Variants in CYSLTR2 observed in about 807,000 individuals in gnomAD.
CYSLTR2 encodes the protein G-protein coupled receptor GPCR21.
For missense variants in CYSLTR2, 398 were observed against 411.9 expected (o/e 0.97, Z 0.29); for synonymous variants, 179 against 160.8 (o/e 1.11, Z -0.86).
At chr13:48,696,876 TCGGAGGGTCCCACG>T (rs1339854812) in intron 4 of CYSLTR2, among the ~76,000 whole-genome samples, 4 of 151,784 alleles carry the variant, frequency 2.6e-5, no homozygotes, top group Non-Finnish European at 5.9e-5. Flanking sequence ...CACGCCCGGC[TCGGAGGGTCCCACG>T]CCCACGGAGC....
chr13:48,672,821 T>C (rs1403626895), intron 1 of CYSLTR2, among the ~76,000 whole-genome samples: 1 of 151,994 alleles, frequency 6.6e-6, no homozygotes, highest in Non-Finnish European at 1.5e-5. Context: ...TTTCACTGTG[T>C]TAGCCAGGAT....
chr13:48,705,738 A>G (rs1349324496), intron 4 of CYSLTR2, among the ~76,000 whole-genome samples: 1 of 150,730 alleles, frequency 6.6e-6, no homozygotes. Context: ...TCCCTCATTT[A>G]TAATATAACT....
In CYSLTR2 at chr13:48,707,615, G is replaced by C. The variant is rs778434472; in HGVS notation, c.798G>C (p.Leu266=). The C allele has an allele frequency of 6.2e-7, 1 of 1,612,620 alleles. No individual in the cohort carries two copies. Among genetic ancestry groups the C allele is most frequent in the South Asian group, 1.1e-5 (1 of 91,076 alleles). ...FFLCFLPYHT[L]RTVHLTTWKV... is the part of the protein sequence containing the mutation. Reference sequence around the variant, plus strand: ...TGTGTTTCCTGCCCTATCACACACTGAGGACCGTCCACTTGACGACATGGA... The same window carrying C: ...TGTGTTTCCTGCCCTATCACACACTCAGGACCGTCCACTTGACGACATGGA... Residue 266 remains leucine, a synonymous_variant, in exon 5 of 5, where the codon CTG becomes CTC. Transcript: ENST00000682523.
In CYSLTR2 at chr13:48,709,973, T is replaced by C. The variant is rs1457548184; in HGVS notation, c.*2115T>C. 1.3e-5 allele frequency: 2 copies of C among 152,162 alleles called. No individual in the cohort carries two copies. Among genetic ancestry groups the C allele is most frequent in the Admixed American group, 6.5e-5 (1 of 15,280 alleles). 9.4% of individuals were successfully genotyped at this position (152,162 alleles called of 1,614,324 possible). ...GGGATTTAGATTTCTCTTGCAGAGA[T>C]TGAGATAAACTAGTCGTAAATACAT... On this transcript the variant is annotated 3_prime_UTR_variant, in exon 5 of 5. Transcript: ENST00000682523.
At chr13:48,680,468 G>A (rs904907472) in intron 1 of CYSLTR2, among the ~76,000 whole-genome samples, 1 of 152,160 alleles carries the variant, frequency 6.6e-6, no homozygotes, top group Non-Finnish European at 1.5e-5. Flanking sequence ...AGCATGTTTC[G>A]TTTTCTTCCT....
chr13:48,688,424 T>A (rs899894016), intron 1 of CYSLTR2, among the ~76,000 whole-genome samples: 4 of 152,146 alleles, frequency 2.6e-5, no homozygotes, highest in Non-Finnish European at 4.4e-5. Context: ...CACTGGCCAA[T>A]AGGCCCTGAT....
intron 4 of CYSLTR2, among the ~76,000 whole-genome samples, chr13:48,702,513 A>G (rs542396362): frequency 4.6e-5 from 7 of 152,298 alleles, no homozygotes; most frequent in African/African-American, 1.4e-4. Context: ...TTTTTTGCCT[A>G]TGGCTATCCA....
Position 48,707,661 on chromosome 13 carries a change from A to G in CYSLTR2, c.844A>G (p.Arg282Gly), listed in dbSNP as rs774573735. The change falls in exon 5 of 5, where the codon AGA becomes GGA. Residue 282 changes from arginine (R) to glycine (G), a missense_variant. Arg to Gly is a moderately radical substitution (Grantham distance 125, BLOSUM62 -2). Transcript: ENST00000682523. ...ATGGAAAGTGGGTTTATGCAAAGAC[A>G]GACTGCATAAAGCTTTGGTTATCAC... is the stretch of plus-strand genomic sequence containing the variant. ...TTWKVGLCKD[R>G]LHKALVITLA... The G allele has an allele frequency of 3.7e-6, 6 of 1,614,158 alleles. No individual in the cohort carries two copies. In the South Asian group the frequency reaches 6.6e-5, roughly 18 times the overall value.
At chr13:48,680,800 C>CTTT (rs139896583) in intron 1 of CYSLTR2, among the ~76,000 whole-genome samples, 8 of 55,044 alleles carry the variant, frequency 1.5e-4, no homozygotes, top group African/African-American at 2.8e-4. Flanking sequence ...CTTTTCTTTT[C>CTTT]TTTTTTTTTT....
intron 3 of CYSLTR2, among the ~76,000 whole-genome samples, chr13:48,694,407 A>G (rs1348562517): frequency 1.3e-5 from 2 of 152,220 alleles, no homozygotes; most frequent in East Asian, 3.8e-4. Flanking sequence ...CAATAGACAG[A>G]TCATAGAACA....
intron 1 of CYSLTR2, among the ~76,000 whole-genome samples, chr13:48,667,766 G>C (rs1259133944): frequency 1.3e-5 from 2 of 152,202 alleles, no homozygotes; most frequent in East Asian, 3.8e-4. Context: ...GTATGTGCTA[G>C]CTCTTGGAGC....
intron 1 of CYSLTR2, among the ~76,000 whole-genome samples, chr13:48,670,599 G>T (rs1000457496): frequency 6.6e-5 from 10 of 152,084 alleles, no homozygotes; most frequent in Non-Finnish European, 1.5e-4. Flanking sequence ...GATGTGTGGT[G>T]TTATTTCTGA....
chr13:48,671,073 T>C (rs1243256336), intron 1 of CYSLTR2, among the ~76,000 whole-genome samples: 1 of 152,346 alleles, frequency 6.6e-6, no homozygotes, highest in East Asian at 1.9e-4. Context: ...GATTTGGCTC[T>C]CTGTTTGTCT....
intron 3 of CYSLTR2, among the ~76,000 whole-genome samples, chr13:48,695,681 T>C (rs1207262363): frequency 6.6e-6 from 1 of 152,220 alleles, no homozygotes; most frequent in Non-Finnish European, 1.5e-5. Context: ...TCACTCTGTA[T>C]GATTAGTTTT....
chr13:48,700,267 T>TC (rs1205920030), intron 4 of CYSLTR2, among the ~76,000 whole-genome samples: 2 of 152,204 alleles, frequency 1.3e-5, no homozygotes, highest in Admixed American at 6.5e-5. Context: ...GCAAAAATCC[T>TC]AAATAAAATA....
At chr13:48,680,481 C>G (rs1001979205) in intron 1 of CYSLTR2, among the ~76,000 whole-genome samples, 1 of 152,204 alleles carries the variant, frequency 6.6e-6, no homozygotes, top group Non-Finnish European at 1.5e-5. Context: ...TTCTTCCTAA[C>G]TCAAATATGG....
intron 1 of CYSLTR2, among the ~76,000 whole-genome samples, chr13:48,677,884 T>C (rs1435599477): frequency 6.6e-6 from 1 of 151,574 alleles, no homozygotes; most frequent in East Asian, 1.9e-4. Context: ...TTTTTTTTTT[T>C]TTGGGACAGA....
At chr13:48,696,165 T>A (rs1954181396) in intron 3 of CYSLTR2, among the ~76,000 whole-genome samples, 1 of 152,262 alleles carries the variant, frequency 6.6e-6, no homozygotes. Context: ...AACAATTTTT[T>A]ATGTGCTTAT....
At chr13:48,695,323 C>A (rs1283459009) in intron 3 of CYSLTR2, among the ~76,000 whole-genome samples, 9 of 130,466 alleles carry the variant, frequency 6.9e-5, no homozygotes, top group Non-Finnish European at 1.3e-4. Flanking sequence ...CTCTCTTTTT[C>A]TTTTCTTTCT....
Sources: gnomAD v4.1 joint callset for allele counts (sites outside exome capture counted in the v4.1 genomes callset) on GRCh38, gnomAD v4.1.1 for gene constraint, MANE v1.5 for transcripts, NCBI Gene and HGNC (gene_info 2026-07-23, HGNC 2026-07-21) for gene names.